Variants in KLRG1 observed in about 807,000 individuals in gnomAD.
The protein encoded by KLRG1 is killer cell lectin-like receptor subfamily G member 1.
A neutral mutation model predicts 21.8 loss-of-function variants in KLRG1; 16 were observed. The observed-to-expected ratio is 0.73, with a 90% CI of 0.50 to 1.11. The LOEUF (loss-of-function observed/expected upper bound fraction) is 1.11, where lower values mean the gene tolerates loss of function less well. Among genes scored for constraint, KLRG1 ranks in the 50% most tolerant of loss-of-function variants. The probability of loss-of-function intolerance (pLI) is 0.00; values close to 1 mark genes in which losing one functional copy is unlikely to be tolerated. For missense variants in KLRG1, 173 were observed against 218.3 expected (o/e 0.79, Z 1.31); for synonymous variants, 69 against 75.9 (o/e 0.91, Z 0.47).
At chr12:9,202,833 T>C in the KLRG1 span, 1 of 744,034 alleles carries the variant, frequency 1.3e-6, no homozygotes, top group Non-Finnish European at 2.1e-6. Flanking sequence ...GTGACGATAT[T>C]AATGTGAGAT....
the KLRG1 span, among the ~76,000 whole-genome samples, chr12:9,137,986 C>T: frequency 6.6e-6 from 1 of 151,978 alleles, no homozygotes; most frequent in Non-Finnish European, 1.5e-5. Flanking sequence ...TTATCTCTTC[C>T]TTTCTGATTT....
chr12:9,060,533 G>A, the KLRG1 span, among the ~76,000 whole-genome samples: 63 of 152,306 alleles, frequency 4.1e-4, no homozygotes, highest in African/African-American at 1.5e-3. Flanking sequence ...TAGGGAGGCT[G>A]AGGCAGAAGA....
chr12:9,179,771 A>G, the KLRG1 span, among the ~76,000 whole-genome samples: 2 of 152,354 alleles, frequency 1.3e-5, no homozygotes, highest in East Asian at 1.9e-4. Flanking sequence ...AAACATGACT[A>G]TCACGTAGGT....
chr12:9,172,390 A>G, the KLRG1 span, among the ~76,000 whole-genome samples: 2 of 152,212 alleles, frequency 1.3e-5, no homozygotes, highest in East Asian at 3.9e-4. Context: ...ACAAAAACAC[A>G]CTGAAGTACA....
At chr12:9,048,443 C>G in the KLRG1 span, among the ~76,000 whole-genome samples, 5 of 152,156 alleles carry the variant, frequency 3.3e-5, no homozygotes, top group South Asian at 1.0e-3. Flanking sequence ...CTCTACTGAA[C>G]AAAAATCCAA....
intron 1 of KLRG1, among the ~76,000 whole-genome samples, chr12:8,964,302 C>T (rs1295758041): frequency 4.6e-5 from 7 of 152,144 alleles, no homozygotes; most frequent in African/African-American, 1.7e-4. Flanking sequence ...TACCCAGTAG[C>T]CATTCAGGAG....
At chr12:9,009,147 A>G in intron 4 of KLRG1, 72 bp downstream of exon 4, 4 of 1,177,900 alleles carry the variant, frequency 3.4e-6, no homozygotes, top group South Asian at 1.4e-5. Flanking sequence ...TACTTGGGGA[A>G]TAGATAAAGA....
chr12:9,196,959 G>T, the KLRG1 span: 2,301 of 1,295,450 alleles, frequency 1.8e-3, 7 homozygotes, highest in Non-Finnish European at 1.6e-3. Flanking sequence ...GTAAAATGGA[G>T]TCTCACTGGT....
chr12:9,073,725 A>G, the KLRG1 span, among the ~76,000 whole-genome samples: 2 of 152,188 alleles, frequency 1.3e-5, no homozygotes, highest in South Asian at 4.1e-4. Flanking sequence ...TTATATAGCT[A>G]GATTTAGGAG....
chr12:9,068,861 T>C, the KLRG1 span: 1 of 1,537,194 alleles, frequency 6.5e-7, no homozygotes, highest in Non-Finnish European at 8.8e-7. Flanking sequence ...CAAAAGTCAA[T>C]TAAATGACCT....
At chr12:9,068,290 C>T in the KLRG1 span, 1 of 1,527,758 alleles carries the variant, frequency 6.5e-7, no homozygotes, top group Non-Finnish European at 8.9e-7. Context: ...AAGCAAACAT[C>T]TGTGGGATAC....
At chr12:9,027,545 GC>G in the KLRG1 span, 2 of 1,126,994 alleles carry the variant, frequency 1.8e-6, no homozygotes, top group South Asian at 1.2e-5. Context: ...TTCTGCCACT[GC>G]CATAGCTGCT....
the KLRG1 span, chr12:9,067,187 T>C: frequency 6.4e-6 from 1 of 155,066 alleles, no homozygotes; most frequent in Non-Finnish European, 1.4e-5. Context: ...ACACATTCCT[T>C]CTTCTGAGAA....
chr12:9,194,563 C>A, the KLRG1 span, among the ~76,000 whole-genome samples: 3 of 149,130 alleles, frequency 2.0e-5, no homozygotes, highest in African/African-American at 4.9e-5. Flanking sequence ...CTCCTGGACT[C>A]ACGCCATTCT....
intron 3 of KLRG1, 136 bp downstream of exon 3, chr12:8,995,424 T>C: frequency 1.4e-6 from 1 of 728,736 alleles, no homozygotes; most frequent in Non-Finnish European, 2.2e-6. Context: ...TACTATATTC[T>C]TCCCCTTCCC....
chr12:8,971,050 A>G (rs1464616342), intron 1 of KLRG1: 1 of 152,038 alleles, frequency 6.6e-6, no homozygotes, highest in Non-Finnish European at 1.5e-5. Flanking sequence ...AGCGTCTGTA[A>G]TTTTCTTTTC....
At chr12:9,211,449 G>A in the KLRG1 span, among the ~76,000 whole-genome samples, 2 of 151,896 alleles carry the variant, frequency 1.3e-5, no homozygotes, top group Non-Finnish European at 2.9e-5. Context: ...TTTCTTAATG[G>A]TTTCTATTTC....
At position 9,010,127 on chromosome 12, in the gene KLRG1, A is replaced by C; in HGVS notation, c.*590A>C. ...CTTGAGCCCAGGAGTTTGAGGCTGC[A>C]GTGAGCTATGATTGTGCCACTGTAC... On this transcript the variant is annotated 3_prime_UTR_variant, in exon 5 of 5. Coordinates refer to ENST00000356986, the MANE Select transcript of KLRG1 (RefSeq NM_005810.4). The C allele has an allele frequency of 1.1e-6, 1 of 877,398 alleles. No homozygotes were observed. Among genetic ancestry groups the C allele is most frequent in the Non-Finnish European group, 1.8e-6 (1 of 556,876 alleles). 54.4% of individuals were successfully genotyped at this position (877,398 alleles called of 1,614,324 possible).
the KLRG1 span, chr12:9,080,259 G>C: frequency 2.0e-5 from 18 of 911,358 alleles, no homozygotes; most frequent in African/African-American, 2.5e-4. Context: ...CAGAAGCTAG[G>C]ACTATGCCTT....
Sources: gnomAD v4.1 joint callset for allele counts (sites outside exome capture counted in the v4.1 genomes callset) on GRCh38, gnomAD v4.1.1 for gene constraint, MANE v1.5 for transcripts, NCBI Gene and HGNC (gene_info 2026-07-23, HGNC 2026-07-21) for gene names.